The following RAF1 variants were observed in gnomAD, a reference collection of about 807,000 sequenced individuals.
RAF1 encodes the protein Raf-1 proto-oncogene, serine/threonine kinase, also known as RAF proto-oncogene serine/threonine-protein kinase.
In RAF1, 27 loss-of-function variants were observed where a neutral mutation model predicts 81.1. The ratio of observed to expected loss-of-function variants is 0.33; its 90% CI spans 0.25 to 0.46. The LOEUF (loss-of-function observed/expected upper bound fraction) is 0.46, where lower values mean the gene tolerates loss of function less well. Among genes scored for constraint, RAF1 ranks in the 20% least tolerant of loss-of-function variants. RAF1 has a pLI of 1.00. For missense variants in RAF1, 598 were observed against 826.0 expected, an observed-to-expected ratio of 0.72 and a Z score of 3.38; for synonymous variants, 298 against 294.0, an observed-to-expected ratio of 1.01 and a Z score of -0.14.
intron 5 of RAF1, among the ~76,000 whole-genome samples, chr3:12,606,987 G>A (rs186104910): frequency 2.6e-4 from 39 of 152,234 alleles, no homozygotes; most frequent in African/African-American, 8.4e-4. Context: ...CACCGCGCCC[G>A]GCCCAGTGTG....
chr3:12,618,813 A>G, intron 1 of RAF1, 66 bp from the exon 2 acceptor site: 1 of 1,237,932 alleles, frequency 8.1e-7, no homozygotes, highest in East Asian at 2.5e-5. Context: ...CACAATACAT[A>G]AAGAGTAATT....
intron 11 of RAF1, among the ~76,000 whole-genome samples, chr3:12,595,757 T>C (rs1033999949): frequency 6.6e-6 from 1 of 152,158 alleles, no homozygotes; most frequent in Non-Finnish European, 1.5e-5. Context: ...ATTAAAAACA[T>C]TGAACTGGGA....
intron 11 of RAF1, among the ~76,000 whole-genome samples, chr3:12,597,856 C>T (rs1007669415): frequency 1.3e-5 from 2 of 151,630 alleles, no homozygotes; most frequent in African/African-American, 2.4e-5. Flanking sequence ...GAGGCAGAGA[C>T]TGCAGTAAGC....
intron 1 of RAF1, among the ~76,000 whole-genome samples, chr3:12,630,173 AT>A (rs888925486): frequency 2.0e-5 from 3 of 152,170 alleles, no homozygotes; most frequent in South Asian, 2.1e-4. Context: ...ATCCTAACAC[AT>A]TTTTTTGGGT....
chr3:12,639,635 G>A (rs2060126448), intron 1 of RAF1, among the ~76,000 whole-genome samples: 1 of 151,112 alleles, frequency 6.6e-6, no homozygotes. Flanking sequence ...GCTTCAAAGA[G>A]AATAAAATAC....
At chr3:12,654,624 G>A (rs544675603) in intron 1 of RAF1, among the ~76,000 whole-genome samples, 36 of 150,824 alleles carry the variant, frequency 2.4e-4, no homozygotes, top group African/African-American at 8.7e-4. Flanking sequence ...AAAAGGGTAT[G>A]AGTATAAAGT....
Position 12,600,376 on chromosome 3 carries a change from A to G in RAF1, c.922+12T>C, listed in dbSNP as rs762710015. The G allele has an allele frequency of 1.2e-6, 2 of 1,614,206 alleles. No homozygotes were observed. Among genetic ancestry groups the G allele is most frequent in the Admixed American group, 1.7e-5 (1 of 60,024 alleles). ...GCCCATTATTGTTGGCTAAATGACTATGGAAAAGTACCTGATTCGCTGTGA... is the reference window on the plus strand; with the variant it reads ...GCCCATTATTGTTGGCTAAATGACTGTGGAAAAGTACCTGATTCGCTGTGA... On this transcript the variant is annotated intron_variant, in intron 9 of 17. Coordinates refer to ENST00000442415, the MANE Select transcript of RAF1 (RefSeq NM_001354689.3).
chr3:12,584,560 A>G lies in RAF1; in HGVS notation c.1961T>C (p.Ile654Thr), dbSNP rs1013186582. ...GGACGTGGTCAGCGTGCAAGCATTG[A>G]TATCCTCAGTGTGGGCTGCCCGATG... Residue 654 changes from isoleucine (I) to threonine (T), a missense_variant, in exon 18 of 18, where the codon ATC (isoleucine) becomes ACC (threonine). Physicochemically the swap from Ile to Thr is moderately conservative, Grantham distance 89. Coordinates refer to ENST00000442415, the MANE Select transcript of RAF1 (RefSeq NM_001354689.3). 1.3e-5 allele frequency: 21 copies of G among 1,614,064 alleles called. 1 individual carries two copies. Among genetic ancestry groups the G allele is most frequent in the Non-Finnish European group, 1.8e-5 (21 of 1,180,042 alleles).
chr3:12,634,995 TCA>T (rs2059974097), intron 1 of RAF1, among the ~76,000 whole-genome samples: 1 of 152,100 alleles, frequency 6.6e-6, no homozygotes, highest in South Asian at 2.1e-4. Flanking sequence ...GGAAAAAGTC[TCA>T]GTTAGGTGCT....
chr3:12,583,788 A>T lies in RAF1; in HGVS notation c.*726T>A, dbSNP rs2058220588. ...GGCTGTTTGTTTGTTTGTTTGTTAG[A>T]GAAACAAGGCTGGCCCTGCGGCCCC... On this transcript the variant is annotated 3_prime_UTR_variant, in exon 18 of 18. Coordinates refer to ENST00000442415, the MANE Select transcript of RAF1 (RefSeq NM_001354689.3). The T allele has an allele frequency of 4.3e-6, 1 of 233,134 alleles. No homozygotes were observed. The highest frequency in any genetic ancestry group is 2.2e-5 in the African/African-American group (1 of 45,302). 14.4% of individuals were successfully genotyped at this position (233,134 alleles called of 1,614,324 possible).
chr3:12,597,282 T>C (rs1475376240), intron 11 of RAF1, among the ~76,000 whole-genome samples: 2 of 152,172 alleles, frequency 1.3e-5, no homozygotes, highest in Non-Finnish European at 2.9e-5. Context: ...ATAATCTTTA[T>C]CACAGTTTGA....
At chr3:12,663,595 G>A (rs1315196289) in intron 1 of RAF1, among the ~76,000 whole-genome samples, 1 of 152,256 alleles carries the variant, frequency 6.6e-6, no homozygotes, top group African/African-American at 2.4e-5. Context: ...AAGGAAATTT[G>A]AGTGGGATGT....
At chr3:12,649,756 T>C (rs2060463714) in intron 1 of RAF1, among the ~76,000 whole-genome samples, 1 of 152,126 alleles carries the variant, frequency 6.6e-6, no homozygotes, top group Non-Finnish European at 1.5e-5. Flanking sequence ...TCTCAACACT[T>C]TGGGAGGCCG....
intron 13 of RAF1, chr3:12,588,640 A>G (rs1399272374): frequency 3.3e-5 from 5 of 152,222 alleles, no homozygotes; most frequent in Admixed American, 6.5e-5. Context: ...ATTGACCGAA[A>G]CATCATTATA....
chr3:12,661,731 A>G (rs949315749), intron 1 of RAF1, among the ~76,000 whole-genome samples: 11 of 152,190 alleles, frequency 7.2e-5, no homozygotes, highest in African/African-American at 2.6e-4. Flanking sequence ...AGAATAATAA[A>G]ATAAAAATTA....
intron 5 of RAF1, among the ~76,000 whole-genome samples, chr3:12,607,391 T>C (rs2059067647): frequency 6.6e-6 from 1 of 152,160 alleles, no homozygotes; most frequent in Admixed American, 6.5e-5. Context: ...CTCACACCTG[T>C]AACCACAACA....
chr3:12,627,021 C>CAAAAA (rs34692000), intron 1 of RAF1, among the ~76,000 whole-genome samples: 31 of 76,606 alleles, frequency 4.0e-4, no homozygotes, highest in Non-Finnish European at 4.5e-4. Flanking sequence ...GACTCTGTCT[C>CAAAAA]AAAAAAAAAA....
At chr3:12,609,470 C>A in intron 3 of RAF1, 135 bp from the exon 4 acceptor site, 1 of 672,468 alleles carries the variant, frequency 1.5e-6, no homozygotes, top group African/African-American at 1.8e-5. Flanking sequence ...TTATTTAATT[C>A]ATACAACAAA....
rs1445234875 is a variant in RAF1 at position 12,600,431 on chromosome 3, A to G, written c.895-16T>C. Reference sequence around the variant, plus strand: ...GAATTGCATCCTGAAACAGAAAAGGAAAGCTGGTCAACTCCTACACACAAA... The same window carrying G: ...GAATTGCATCCTGAAACAGAAAAGGGAAGCTGGTCAACTCCTACACACAAA... On this transcript the variant is annotated splice_polypyrimidine_tract_variant and intron_variant, in intron 8 of 17. Coordinates refer to ENST00000442415, the MANE Select transcript of RAF1 (RefSeq NM_001354689.3). The G allele has an allele frequency of 1.2e-6, 2 of 1,614,028 alleles. No individual in the cohort carries two copies. The highest frequency in any genetic ancestry group is 1.7e-6 in the Non-Finnish European group (2 of 1,179,972).
Sources: gnomAD v4.1 joint callset for allele counts (sites outside exome capture counted in the v4.1 genomes callset) on GRCh38, gnomAD v4.1.1 for gene constraint, MANE v1.5 for transcripts, NCBI Gene and HGNC (gene_info 2026-07-23, HGNC 2026-07-21) for gene names.